The following DOCK8 variants were observed in gnomAD, a reference collection of about 807,000 sequenced individuals.
DOCK8 encodes dedicator of cytokinesis protein 8.
A neutral mutation model predicts 245.6 loss-of-function variants in DOCK8; 141 were observed. That is an observed-to-expected ratio of 0.57 (90% CI 0.50 to 0.66). The LOEUF is 0.66. DOCK8 is among the 30% of genes least tolerant of loss of function. DOCK8 has a pLI of 0.00. For synonymous variants in DOCK8, 1,168 were observed against 970.2 expected, an observed-to-expected ratio of 1.20 and a Z score of -3.79; for missense variants, 2,965 against 2,603.4, an observed-to-expected ratio of 1.14 and a Z score of -3.02.
At chr9:228,825 G>A (rs1466747158) in intron 1 of DOCK8, among the ~76,000 whole-genome samples, 1 of 152,158 alleles carries the variant, frequency 6.6e-6, no homozygotes, top group Non-Finnish European at 1.5e-5. Context: ...TCTTCCTGTA[G>A]ACATTCACAT....
At chr9:236,276 A>G (rs1428793773) in intron 1 of DOCK8, among the ~76,000 whole-genome samples, 1 of 152,188 alleles carries the variant, frequency 6.6e-6, no homozygotes, top group Admixed American at 6.5e-5. Context: ...AAGACATGCC[A>G]GCTAACTTTG....
intron 33 of DOCK8, among the ~76,000 whole-genome samples, chr9:423,895 G>A (rs1035196250): frequency 6.6e-6 from 1 of 152,110 alleles, no homozygotes; most frequent in African/African-American, 2.4e-5. Context: ...GTAAACTGGT[G>A]TTTTGGAAAA....
At chr9:254,004 G>A (rs1331846902) in intron 1 of DOCK8, among the ~76,000 whole-genome samples, 1 of 152,340 alleles carries the variant, frequency 6.6e-6, no homozygotes, top group East Asian at 1.9e-4. Context: ...GCTAACTGTT[G>A]TTCCCTTGTT....
chr9:214,320 C>T (rs1306265974), upstream of DOCK8: 1 of 604,594 alleles, frequency 1.7e-6, no homozygotes, highest in Non-Finnish European at 2.8e-6. Context: ...GTGACGAAAA[C>T]ATTTTTTGAG....
intron 14 of DOCK8, among the ~76,000 whole-genome samples, chr9:367,146 A>G (rs941199645): frequency 1.3e-5 from 2 of 152,244 alleles, no homozygotes; most frequent in African/African-American, 4.8e-5. Context: ...ATTAGTAAAT[A>G]TGAAGTATTT....
chr9:257,569 G>A (rs1457540651), intron 1 of DOCK8, among the ~76,000 whole-genome samples: 1 of 152,128 alleles, frequency 6.6e-6, no homozygotes, highest in African/African-American at 2.4e-5. Context: ...CGACAGGCTG[G>A]AGTGCAGTGG....
intron 1 of DOCK8, among the ~76,000 whole-genome samples, chr9:242,892 C>G (rs189902514): frequency 2.0e-5 from 3 of 151,876 alleles, no homozygotes; most frequent in African/African-American, 7.3e-5. Context: ...GAAAGTTGGA[C>G]GCTGTCCACT....
chr9:417,283 AAAAT>A (rs750954900), intron 29 of DOCK8, among the ~76,000 whole-genome samples: 25 of 152,328 alleles, frequency 1.6e-4, no homozygotes, highest in South Asian at 4.1e-4. Flanking sequence ...ACTTTGTCTA[AAAAT>A]AAATAAATAA....
intron 2 of DOCK8, among the ~76,000 whole-genome samples, chr9:272,227 C>A (rs1403251009): frequency 1.3e-5 from 2 of 152,090 alleles, no homozygotes; most frequent in East Asian, 3.8e-4. Context: ...TTTCCTCAGT[C>A]AAGATATAGA....
intron 30 of DOCK8, 121 bp downstream of exon 30, chr9:418,328 G>C (rs1484985308): frequency 4.5e-6 from 6 of 1,346,124 alleles, no homozygotes; most frequent in Non-Finnish European, 5.3e-6. Flanking sequence ...CTGGAGTGCA[G>C]TGGCGCAATC....
At chr9:234,501 T>C (rs1270148292) in intron 1 of DOCK8, among the ~76,000 whole-genome samples, 1 of 152,256 alleles carries the variant, frequency 6.6e-6, no homozygotes, top group African/African-American at 2.4e-5. Context: ...TTTTCCAACT[T>C]GGTTCCATTC....
At chr9:440,167 C>T (rs2057048329) in intron 40 of DOCK8, among the ~76,000 whole-genome samples, 1 of 152,026 alleles carries the variant, frequency 6.6e-6, no homozygotes. Context: ...TACAGGTGTG[C>T]ACCACCACAC....
At chr9:243,943 G>C (rs1217890845) in intron 1 of DOCK8, among the ~76,000 whole-genome samples, 1 of 151,992 alleles carries the variant, frequency 6.6e-6, no homozygotes, top group Non-Finnish European at 1.5e-5. Flanking sequence ...CCAGCACTTT[G>C]GGAGGCCGAG....
At chr9:352,942 C>G (rs2052247410) in intron 14 of DOCK8, among the ~76,000 whole-genome samples, 1 of 152,088 alleles carries the variant, frequency 6.6e-6, no homozygotes, top group Non-Finnish European at 1.5e-5. Flanking sequence ...AGGATATCTT[C>G]CCTTTGAAAA....
At chr9:402,417 C>CA (rs147666929) in intron 26 of DOCK8, among the ~76,000 whole-genome samples, 17,252 of 152,058 alleles carry the variant, frequency 0.11, 1,016 homozygotes, top group Admixed American at 0.15. Flanking sequence ...TCCTCATCTG[C>CA]AAAAAAACTA....
chr9:353,402 A>C (rs184850382), intron 14 of DOCK8, among the ~76,000 whole-genome samples: 4 of 152,344 alleles, frequency 2.6e-5, no homozygotes, highest in Admixed American at 2.6e-4. Flanking sequence ...TAAAACAAGC[A>C]TTTTAATGAA....
intron 10 of DOCK8, among the ~76,000 whole-genome samples, chr9:333,376 C>T (rs886550199): frequency 9.9e-5 from 15 of 152,248 alleles, no homozygotes; most frequent in East Asian, 5.8e-4. Context: ...CCAAGGCGGG[C>T]AGATCATGAG....
At chr9:401,509 G>A (rs1029269175) in intron 26 of DOCK8, among the ~76,000 whole-genome samples, 6 of 152,156 alleles carry the variant, frequency 3.9e-5, no homozygotes, top group Non-Finnish European at 7.4e-5. Context: ...CCCTGTATCT[G>A]CAAGGCTCTA....
intron 31 of DOCK8, 56 bp downstream of exon 31, chr9:420,639 G>C: frequency 1.2e-6 from 2 of 1,604,418 alleles, no homozygotes; most frequent in Non-Finnish European, 8.5e-7. Flanking sequence ...TTGCAATTCT[G>C]TCTTCTTACT....
Sources: allele counts gnomAD v4.1 joint callset (sites outside exome capture counted in the v4.1 genomes callset), GRCh38; gene constraint gnomAD v4.1.1; transcripts MANE v1.5; gene names NCBI Gene and HGNC (gene_info 2026-07-23, HGNC 2026-07-21).